The following TUB variants were observed in gnomAD, a reference collection of about 807,000 sequenced individuals.
TUB encodes tubby protein homolog.
Under a neutral mutation model 59.7 loss-of-function variants are expected in TUB, and 33 were observed. That is an observed-to-expected ratio of 0.55 (90% CI 0.42 to 0.74). The LOEUF (loss-of-function observed/expected upper bound fraction) is 0.74. Among genes scored for constraint, TUB ranks in the 30% least tolerant of loss-of-function variants. TUB has a pLI of 0.00. For synonymous variants in TUB, 293 were observed against 256.4 expected (o/e 1.14, Z -1.36); for missense variants, 659 against 672.0 (o/e 0.98, Z 0.21).
rs761601861 is a variant in TUB, at chr11:8,100,581, GTCTC to G, written c.1197_1200del (p.Ile401AlafsTer10). ...AGGCATGAACATGGTTCATGAGAGA[GTCTC>G]TATCCGCCCCCGCAACGTGAGTGTC... On this transcript the variant is annotated frameshift_variant, in exon 10 of 12. Coordinates refer to ENST00000299506, the MANE Select transcript of TUB (RefSeq NM_177972.3). LOFTEE classifies it high-confidence loss of function. The G allele has an allele frequency of 3.7e-6, 6 of 1,614,118 alleles. No individual in the cohort carries two copies. Among genetic ancestry groups the G allele is most frequent in the Non-Finnish European group, 5.1e-6 (6 of 1,180,020 alleles).
At chr11:8,069,728 A>T (rs1225659611) in intron 2 of TUB, among the ~76,000 whole-genome samples, 1 of 151,442 alleles carries the variant, frequency 6.6e-6, no homozygotes, top group African/African-American at 2.4e-5. Context: ...GATAATCTAT[A>T]CCTGGGTTAT....
intron 2 of TUB, among the ~76,000 whole-genome samples, chr11:8,040,588 T>C (rs1002007772): frequency 4.6e-5 from 7 of 152,186 alleles, no homozygotes; most frequent in African/African-American, 7.2e-5. Flanking sequence ...GCTCTCCTTT[T>C]TTACACATGG....
chr11:8,039,196 C>T (rs568897956), intron 1 of TUB, among the ~76,000 whole-genome samples: 4 of 152,288 alleles, frequency 2.6e-5, no homozygotes, highest in East Asian at 1.9e-4. Flanking sequence ...CCGCAAACCC[C>T]TCTTGCTCCA....
Position 8,102,601 on chromosome 11 carries a change from C to CCTCTCTCT in TUB, c.*991_*998dup, listed in dbSNP as rs61390438. 2.6e-5 allele frequency: 4 copies of CCTCTCTCT among 151,066 alleles called. No homozygotes were observed. Among genetic ancestry groups the CCTCTCTCT allele is most frequent in the South Asian group, 2.1e-4 (1 of 4,798 alleles). The allele number at this position is 151,066 out of a possible 1,614,324, so 9.4% of individuals were successfully genotyped here. On this transcript the variant is annotated 3_prime_UTR_variant, in exon 12 of 12. Transcript: ENST00000299506. ...ATGGCATGCTCCTTGAAGAATCTCT[C>CCTCTCTCT]CTCTCTCTCTCTCTCTGGAAAGACC...
chr11:8,046,192 C>A (rs982436327), intron 2 of TUB, among the ~76,000 whole-genome samples: 15 of 152,304 alleles, frequency 9.8e-5, no homozygotes, highest in African/African-American at 3.4e-4. Context: ...GCAGGGTTCA[C>A]TTTGTTTGTT....
At chr11:8,026,663 T>G (rs1609254) in intron 1 of TUB, among the ~76,000 whole-genome samples, 1 of 152,036 alleles carries the variant, frequency 6.6e-6, no homozygotes, top group Non-Finnish European at 1.5e-5. Flanking sequence ...CTTATAAGTA[T>G]TGAAATCTGG....
At chr11:8,020,042 A>C (rs1942399447) in intron 1 of TUB, among the ~76,000 whole-genome samples, 1 of 152,226 alleles carries the variant, frequency 6.6e-6, no homozygotes, top group African/African-American at 2.4e-5. Flanking sequence ...CTCCCAGGCG[A>C]AATGAAAAAA....
At chr11:8,090,945 G>A (rs1224910701) in intron 3 of TUB, among the ~76,000 whole-genome samples, 2 of 152,086 alleles carry the variant, frequency 1.3e-5, no homozygotes, top group African/African-American at 4.8e-5. Context: ...GGAGGACTCA[G>A]ACTCAGTCTC....
chr11:8,082,654 GCCT>G (rs1462631901), intron 1 of TUB, among the ~76,000 whole-genome samples: 1 of 152,208 alleles, frequency 6.6e-6, no homozygotes, highest in Non-Finnish European at 1.5e-5. Context: ...CTCTGTTAGA[GCCT>G]CATACCAGTC....
chr11:8,028,872 C>T (rs1424734253), intron 1 of TUB, among the ~76,000 whole-genome samples: 5 of 152,038 alleles, frequency 3.3e-5, no homozygotes, highest in South Asian at 2.1e-4. Flanking sequence ...ATTAGCTGGG[C>T]GTTGTGGCAC....
chr11:8,089,754 C>T (rs954572583), intron 2 of TUB, 93 bp downstream of exon 2: 15 of 1,500,994 alleles, frequency 1.0e-5, no homozygotes, highest in Admixed American at 1.7e-5. Flanking sequence ...CTGGATGATC[C>T]CGTCTGATTG....
In TUB at chr11:8,089,746, G is replaced by A. The variant is rs573221065; in HGVS notation, c.90+85G>A. 3.3e-6 allele frequency: 5 copies of A among 1,534,508 alleles called. No individual in the cohort carries two copies. In the South Asian group the frequency reaches 4.5e-5, roughly 14 times the overall value. ...AGGGGCAGGGCTGTCCATCTTCCCTGGATGATCCCGTCTGATTGGGGGATG... is the reference window on the plus strand; with the variant it reads ...AGGGGCAGGGCTGTCCATCTTCCCTAGATGATCCCGTCTGATTGGGGGATG... On this transcript the variant is annotated intron_variant, in intron 2 of 11. Transcript: ENST00000299506.
At chr11:8,038,044 G>A (rs1350265654), upstream of TUB, among the ~76,000 whole-genome samples, 3 of 152,200 alleles carry the variant, frequency 2.0e-5, no homozygotes, top group Non-Finnish European at 2.9e-5. Context: ...GGTTGGTGGA[G>A]GAAGGTGGAC....
At chr11:8,053,113 C>G (rs998387245) in intron 2 of TUB, among the ~76,000 whole-genome samples, 2 of 152,154 alleles carry the variant, frequency 1.3e-5, no homozygotes, top group Non-Finnish European at 2.9e-5. Context: ...TGAGTTTTAT[C>G]CAAGACCTCT....
chr11:8,082,005 T>C (rs1943577233), intron 1 of TUB, among the ~76,000 whole-genome samples: 1 of 152,220 alleles, frequency 6.6e-6, no homozygotes, highest in Non-Finnish European at 1.5e-5. Flanking sequence ...AGACAGTTAT[T>C]CTGAACCAAG....
chr11:8,045,946 T>G (rs1387467390), intron 2 of TUB, among the ~76,000 whole-genome samples: 1 of 152,236 alleles, frequency 6.6e-6, no homozygotes, highest in Non-Finnish European at 1.5e-5. Flanking sequence ...TTTCTGAGAT[T>G]GCTCTGCTTA....
rs146347108 is a variant in TUB at position 8,046,050 on chromosome 11, G to A, written c.203+6358G>A. Among the ~76,000 whole-genome samples, 136 of 152,220 alleles carry A rather than the reference G, an allele frequency of 8.9e-4. 2 individuals carry two copies. The highest frequency in any genetic ancestry group is 7.2e-4 in the Non-Finnish European group (49 of 68,018). On this transcript the variant is annotated intron_variant, in intron 2 of 12. Coordinates refer to the TUB transcript ENST00000305253. ...CCAGAGATAAGGGAAGCCCTCTACA[G>A]GCCTCCGAAGCACATTTGTGCGTTA...
chr11:8,061,057 C>T (rs1943115786), intron 2 of TUB, among the ~76,000 whole-genome samples: 1 of 152,222 alleles, frequency 6.6e-6, no homozygotes. Context: ...CATGGTGGGG[C>T]CTGTGTGGCC....
chr11:8,039,576 GGCA>G (rs1358314233), intron 1 of TUB: 78 of 1,354,390 alleles, frequency 5.8e-5, no homozygotes, highest in Non-Finnish European at 7.5e-5. Flanking sequence ...GGTGTGGCCA[GGCA>G]GCAGGCAGGG....
Sources: allele counts gnomAD v4.1 joint callset (sites outside exome capture counted in the v4.1 genomes callset), GRCh38; gene constraint gnomAD v4.1.1; transcripts MANE v1.5; gene names NCBI Gene and HGNC (gene_info 2026-07-23, HGNC 2026-07-21).